The following PDE4D variants were observed in gnomAD, a reference collection of about 807,000 sequenced individuals.
PDE4D encodes the protein 3',5'-cyclic-AMP phosphodiesterase 4D.
A neutral mutation model predicts 87.4 loss-of-function variants in PDE4D; 24 were observed. The observed-to-expected ratio is 0.27, with a 90% CI of 0.20 to 0.39. The LOEUF is 0.39. Among genes scored for constraint, PDE4D ranks in the 10% least tolerant of loss-of-function variants. The pLI is 1.00. For missense variants in PDE4D, 714 were observed against 1,041.0 expected, an observed-to-expected ratio of 0.69 and a Z score of 4.32; for synonymous variants, 384 against 383.2, an observed-to-expected ratio of 1.00 and a Z score of -0.02.
At chr5:58,985,863 T>C (rs1374224964) in intron 11 of PDE4D, among the ~76,000 whole-genome samples, 1 of 152,256 alleles carries the variant, frequency 6.6e-6, no homozygotes, top group Non-Finnish European at 1.5e-5. Flanking sequence ...ATTAGAAGGA[T>C]TCCTTTACTG....
At chr5:59,825,649 C>T (rs568992552) in intron 1 of PDE4D, among the ~76,000 whole-genome samples, 19 of 152,234 alleles carry the variant, frequency 1.2e-4, no homozygotes, top group African/African-American at 3.4e-4. Context: ...CTGCTGTGTC[C>T]GTTGCCCTGT....
chr5:60,338,240 G>C (rs2149889981), intron 1 of PDE4D, among the ~76,000 whole-genome samples: 1 of 152,264 alleles, frequency 6.6e-6, no homozygotes, highest in East Asian at 1.9e-4. Flanking sequence ...GAAAAAAGTA[G>C]ACTCCATTGG....
chr5:60,130,565 G>A (rs975255305), intron 2 of PDE4D, among the ~76,000 whole-genome samples: 3 of 152,104 alleles, frequency 2.0e-5, no homozygotes, highest in Non-Finnish European at 4.4e-5. Context: ...TGATTCCACT[G>A]CACAAAGTCA....
chr5:60,340,607 T>TAAAAAAA, intron 1 of PDE4D, among the ~76,000 whole-genome samples: 1 of 138,548 alleles, frequency 7.2e-6, no homozygotes, highest in Non-Finnish European at 1.6e-5. Context: ...TCACATCATT[T>TAAAAAAA]AAAAAAAAAA....
intron 1 of PDE4D, among the ~76,000 whole-genome samples, chr5:60,211,479 A>G (rs1302587116): frequency 6.7e-6 from 1 of 149,626 alleles, no homozygotes; most frequent in Non-Finnish European, 1.5e-5. Flanking sequence ...GAATATATAT[A>G]TGTATATACA....
chr5:60,080,497 A>C (rs1773810009), intron 2 of PDE4D, among the ~76,000 whole-genome samples: 1 of 152,104 alleles, frequency 6.6e-6, no homozygotes, highest in Admixed American at 6.6e-5. Context: ...TGCCCATTCA[A>C]TATGACATTG....
At chr5:59,239,071 G>A (rs1757106157) in intron 1 of PDE4D, among the ~76,000 whole-genome samples, 1 of 152,170 alleles carries the variant, frequency 6.6e-6, no homozygotes, top group African/African-American at 2.4e-5. Flanking sequence ...CAGAAGAAGG[G>A]TTTCTCTATC....
At chr5:59,819,835 G>A (rs1769428177) in intron 1 of PDE4D, among the ~76,000 whole-genome samples, 1 of 152,228 alleles carries the variant, frequency 6.6e-6, no homozygotes, top group African/African-American at 2.4e-5. Context: ...TTTCAGGCAA[G>A]CGTGTGCAAA....
intron 1 of PDE4D, among the ~76,000 whole-genome samples, chr5:60,495,119 C>T (rs1749743000): frequency 6.6e-6 from 1 of 152,150 alleles, no homozygotes; most frequent in African/African-American, 2.4e-5. Flanking sequence ...AGATAAATAT[C>T]ACATATAGTG....
intron 5 of PDE4D, chr5:59,157,255 CAA>C (rs747828794): frequency 3.1e-5 from 22 of 700,464 alleles, no homozygotes; most frequent in Non-Finnish European, 4.4e-5. Context: ...GCATTGTTTT[CAA>C]AGTGACTAAA....
chr5:58,974,731 GCCT>G lies in PDE4D; in HGVS notation c.2360_2362del (p.Glu787del), dbSNP rs752747475. On this transcript the variant is annotated inframe_deletion, in exon 15 of 15. Coordinates refer to ENST00000340635, the MANE Select transcript of PDE4D (RefSeq NM_001104631.2). ...CTGGCTTTCCTCTTCTTCCCCTACT[GCCT>G]CCTCTTCAACCTGTTCATCAAGGGG... 1.9e-6 allele frequency: 3 copies of G among 1,612,766 alleles called. No homozygotes were observed. In the African/African-American group the frequency reaches 4.0e-5, roughly 22 times the overall value.
Position 59,708,621 on chromosome 5 carries a change from T to G in PDE4D, c.455+184547A>C, listed in dbSNP as rs534844761. On this transcript the variant is annotated intron_variant, in intron 1 of 14. Transcript: ENST00000340635. The stretch of plus-strand genomic sequence containing the variant: ...TCAGTCCAAAATCTGCTTTCATTAC[T>G]ACATTAGACATGATGGCTTAGTTGT... 2.6e-5 allele frequency among the ~76,000 whole-genome samples: 4 copies of G among 152,138 alleles called. No individual in the cohort carries two copies. The South Asian group carries it at 8.3e-4, about 32-fold the overall frequency.
At chr5:59,864,092 T>C (rs1015452332) in intron 1 of PDE4D, among the ~76,000 whole-genome samples, 14 of 152,128 alleles carry the variant, frequency 9.2e-5, no homozygotes, top group African/African-American at 3.4e-4. Context: ...GAAAAGGATT[T>C]GCTTTCTGTT....
chr5:59,424,264 C>A (rs1273039028), intron 1 of PDE4D, among the ~76,000 whole-genome samples: 1 of 152,034 alleles, frequency 6.6e-6, no homozygotes, highest in East Asian at 1.9e-4. Context: ...ATAATTTTTA[C>A]CCAGAAGTAG....
At chr5:59,286,226 C>T in intron 1 of PDE4D, among the ~76,000 whole-genome samples, 1 of 152,148 alleles carries the variant, frequency 6.6e-6, no homozygotes, top group South Asian at 2.1e-4. Context: ...TTATTGATTG[C>T]TCACCATGTG....
intron 1 of PDE4D, among the ~76,000 whole-genome samples, chr5:60,462,962 A>G (rs1055817922): frequency 6.6e-6 from 1 of 152,220 alleles, no homozygotes. Context: ...AAGTTTGCTC[A>G]ATCTTTTAAG....
rs1423653862 is a variant in PDE4D at position 59,649,902 on chromosome 5, AACCTTTTTT to A, written c.455+243257_455+243265del. Among the ~76,000 whole-genome samples the A allele has an allele frequency of 5.5e-4, 24 of 43,794 alleles. 5 individuals are homozygous for A. Among genetic ancestry groups the A allele is most frequent in the South Asian group, 2.2e-3 (2 of 926 alleles). 28.7% of individuals were successfully genotyped at this position (43,794 alleles called of 152,430 possible). A position where few individuals can be genotyped will look rare whatever the true frequency, so the allele number is the denominator to read the frequency against. On this transcript the variant is annotated intron_variant, in intron 1 of 14. Transcript: ENST00000340635. The stretch of plus-strand genomic sequence containing the variant: ...ATTGTTAAAATGTTGATAGTTTGTG[AACCTTTTTT>A]TTTTTTTTTTTTTTTTTTTTTAGCA...
At chr5:59,213,104 C>T (rs1240441623) in intron 2 of PDE4D, among the ~76,000 whole-genome samples, 2 of 150,656 alleles carry the variant, frequency 1.3e-5, no homozygotes, top group African/African-American at 2.4e-5. Context: ...TTCTTTTACT[C>T]TTCTTCTCCT....
At chr5:59,243,151 A>C (rs961905390) in intron 1 of PDE4D, among the ~76,000 whole-genome samples, 4 of 152,186 alleles carry the variant, frequency 2.6e-5, no homozygotes, top group Non-Finnish European at 4.4e-5. Flanking sequence ...ATAAGAGAGA[A>C]AATATATCAC....
Sources: gnomAD v4.1 joint callset for allele counts (sites outside exome capture counted in the v4.1 genomes callset) on GRCh38, gnomAD v4.1.1 for gene constraint, MANE v1.5 for transcripts, NCBI Gene and HGNC (gene_info 2026-07-23, HGNC 2026-07-21) for gene names.